The following PDXP variants were observed in gnomAD, a reference collection of about 807,000 sequenced individuals.
PDXP encodes pyridoxal phosphatase.
PDXP carries 15 observed loss-of-function variants against 14.4 expected under a neutral mutation model. The observed-to-expected ratio is 1.04, with a 90% confidence interval of 0.70 to 1.60. PDXP has a LOEUF of 1.60. Ranked by LOEUF, PDXP falls within the 40% of genes most tolerant of loss-of-function variation. The probability of loss-of-function intolerance (pLI) is 0.00; values close to 1 mark genes in which losing one functional copy is unlikely to be tolerated. For synonymous variants in PDXP, 233 were observed against 205.6 expected (o/e 1.13, Z -1.14); for missense variants, 413 against 427.6 (o/e 0.97, Z 0.30).
chr22:37,662,183 TG>T (rs1382417777), intron 1 of PDXP, among the ~76,000 whole-genome samples: 1 of 152,004 alleles, frequency 6.6e-6, no homozygotes. Flanking sequence ...CCAGGGGTGT[TG>T]CCCTGGGCCA....
chr22:37,663,323 A>G (rs1265656990), intron 1 of PDXP, among the ~76,000 whole-genome samples: 2 of 145,328 alleles, frequency 1.4e-5, no homozygotes, highest in African/African-American at 5.2e-5. Context: ...AAAAAAAATC[A>G]TATAGTTGTA....
rs1921002097 is a variant in PDXP, at chr22:37,664,422, T to C, written c.575-1133T>C. 1.3e-5 allele frequency among the ~76,000 whole-genome samples: 2 copies of C among 152,178 alleles called. 1 individual carries two copies. Among genetic ancestry groups the C allele is most frequent in the South Asian group, 4.1e-4 (2 of 4,832 alleles). On this transcript the variant is annotated intron_variant, in intron 1 of 1. Coordinates refer to ENST00000215904, the MANE Select transcript of PDXP (RefSeq NM_020315.5). ...AAAGTGACTCTTAATAGTACCTTCC[T>C]TTAACAACCAGCTCATAAAATTCCT...
chr22:37,665,544 T>A lies in PDXP; in HGVS notation c.575-11T>A, dbSNP rs767831102. On this transcript the variant is annotated splice_polypyrimidine_tract_variant and intron_variant, in intron 1 of 1. Transcript: ENST00000215904. The stretch of plus-strand genomic sequence containing the variant: ...CGCCCTCCTGCTGACTGCGTCTCCA[T>A]CTCCCTACAGGCACCGGGAGCCTGG... 2.5e-6 allele frequency: 4 copies of A among 1,590,196 alleles called. No individual in the cohort carries two copies. The South Asian group carries it at 4.5e-5, about 18-fold the overall frequency.
At position 37,661,533 on chromosome 22, in the gene PDXP, C is replaced by T. The variant is rs1167843920; in HGVS notation, c.574+2177C>T. Among the ~76,000 whole-genome samples the T allele has an allele frequency of 2.6e-5, 4 of 152,134 alleles. 1 individual carries two copies. The highest frequency in any genetic ancestry group is 4.4e-5 in the Non-Finnish European group (3 of 68,040). ...GCTGACAAATAGAAAGGCCTGCTGT[C>T]TTAGGAATACGTCATCAGCATAACA... On this transcript the variant is annotated intron_variant, in intron 1 of 1. Transcript: ENST00000215904.
intron 1 of PDXP, among the ~76,000 whole-genome samples, chr22:37,664,213 G>A (rs1920997773): frequency 6.6e-6 from 1 of 151,466 alleles, no homozygotes; most frequent in Non-Finnish European, 1.5e-5. Flanking sequence ...TTACAGGCAT[G>A]AGCCACGGTG....
rs1921063006 is a variant in PDXP at position 37,665,864 on chromosome 22, AGGACTG to A, written c.885_890del (p.Asp296_Ter297delextTer16). ...ATCGCAGACTTGACAGAGGGGTTGG[AGGACTG>A]AGCCCACTGCACCTGCAGCCACAGG... On this transcript the variant is annotated stop_lost and inframe_deletion, in exon 2 of 2. Coordinates refer to ENST00000215904, the MANE Select transcript of PDXP (RefSeq NM_020315.5). The A allele has an allele frequency of 6.2e-7, 1 of 1,611,722 alleles. No individual in the cohort carries two copies. Among genetic ancestry groups the A allele is most frequent in the Non-Finnish European group, 8.5e-7 (1 of 1,178,506 alleles).
rs1334956262 is a variant in PDXP, at chr22:37,658,824, C to G, written c.42C>G (p.Asp14Glu). 3.4e-5 allele frequency: 40 copies of G among 1,187,840 alleles called. No individual in the cohort carries two copies. The highest frequency in any genetic ancestry group is 4.1e-5 in the Non-Finnish European group (39 of 959,366). 73.6% of individuals were successfully genotyped at this position (1,187,840 alleles called of 1,614,324 possible). A position where few individuals can be genotyped will look rare whatever the true frequency, so the allele number is the denominator to read the frequency against. The change falls in exon 1 of 2, where the codon GAC becomes GAG. Residue 14 changes from aspartate to glutamate, a missense_variant. Transcript: ENST00000215904. ...CERLRGAALRDVLGRAQGVLF... is the reference protein window; with the variant it reads ...CERLRGAALREVLGRAQGVLF... Reference sequence around the variant, plus strand: ...GGCTGCGCGGAGCGGCCCTGCGCGACGTGCTGGGCCGGGCGCAGGGGGTCC... The same window carrying G: ...GGCTGCGCGGAGCGGCCCTGCGCGAGGTGCTGGGCCGGGCGCAGGGGGTCC...
chr22:37,661,044 C>T (rs567800258), intron 1 of PDXP, among the ~76,000 whole-genome samples: 1 of 152,248 alleles, frequency 6.6e-6, no homozygotes, highest in East Asian at 1.9e-4. Context: ...TTAGGCTATG[C>T]TATGAAAAGT....
intron 1 of PDXP, among the ~76,000 whole-genome samples, chr22:37,661,648 C>G (rs73422799): frequency 0.012 from 1,816 of 152,166 alleles, 34 homozygotes; most frequent in African/African-American, 0.042. Context: ...CTAGGAGGCT[C>G]GCTCCCCTGA....
At position 37,659,131 on chromosome 22, in the gene PDXP, G is replaced by C. The variant is rs1442466876; in HGVS notation, c.349G>C (p.Gly117Arg). Residue 117 changes from glycine to arginine, a missense_variant, in exon 1 of 2, where the codon GGG (glycine) becomes CGG (arginine). By Grantham distance (125) the Gly-to-Arg change is moderately radical. Transcript: ENST00000215904. ...CGCCGTGTTCGTGCTGGGCGGCGAG[G>C]GGCTGCGCGCCGAGCTGCGCGCCGC... ...PGAVFVLGGE[G>R]LRAELRAAGL... The C allele has an allele frequency of 2.4e-5, 24 of 1,017,354 alleles. No individual in the cohort carries two copies. The highest frequency in any genetic ancestry group is 2.8e-5 in the Non-Finnish European group (24 of 852,868). The allele number at this position is 1,017,354 out of a possible 1,614,324, so 63.0% of individuals were successfully genotyped here.
chr22:37,663,533 A>G (rs151011023), intron 1 of PDXP, among the ~76,000 whole-genome samples: 1 of 151,826 alleles, frequency 6.6e-6, no homozygotes, highest in Non-Finnish European at 1.5e-5. Flanking sequence ...TCTTCACTCA[A>G]TATCATCCTG....
Position 37,665,859 on chromosome 22 carries a change from G to A in PDXP, c.879G>A (p.Gly293=), listed in dbSNP as rs1357450591. 2 of 1,612,810 alleles carry A rather than the reference G, an allele frequency of 1.2e-6. No homozygotes were observed. The highest frequency in any genetic ancestry group is 8.5e-7 in the Non-Finnish European group (1 of 1,179,244). Residue 293 remains glycine, a synonymous_variant, in exon 2 of 2, where the codon GGG becomes GGA. Transcript: ENST00000215904. The stretch of plus-strand genomic sequence containing the variant: ...AGAGCATCGCAGACTTGACAGAGGG[G>A]TTGGAGGACTGAGCCCACTGCACCT... ...YVESIADLTE[G]LED
intron 1 of PDXP, among the ~76,000 whole-genome samples, chr22:37,663,036 C>G (rs78684352): frequency 0.12 from 18,834 of 151,104 alleles, 1,481 homozygotes; most frequent in African/African-American, 0.21. Flanking sequence ...TACAGTGGCT[C>G]ACACCTGTAA....
At chr22:37,665,190 G>T in intron 1 of PDXP, 1 of 301,854 alleles carries the variant, frequency 3.3e-6, no homozygotes. Flanking sequence ...ACGGCTGTCA[G>T]GGTGAAATCG....
At chr22:37,663,909 A>G (rs1920990851) in intron 1 of PDXP, among the ~76,000 whole-genome samples, 1 of 143,816 alleles carries the variant, frequency 7.0e-6, no homozygotes, top group Non-Finnish European at 1.5e-5. Context: ...CTGTGCCTGG[A>G]ATACGTTGAC....
At position 37,663,548 on chromosome 22, in the gene PDXP, CCCAGGATTTAAT is replaced by C. The variant is rs765563295; in HGVS notation, c.575-2006_575-1995del. 1.0e-3 allele frequency among the ~76,000 whole-genome samples: 158 copies of C among 152,066 alleles called. 1 individual carries two copies. The highest frequency in any genetic ancestry group is 1.7e-3 in the South Asian group (8 of 4,824). On this transcript the variant is annotated intron_variant, in intron 1 of 1. Transcript: ENST00000215904. ...TCTTCACTCAATATCATCCTGTACC[CCCAGGATTTAAT>C]ATCAATGACTGTCCGGGTCAGTGGC... is the stretch of plus-strand genomic sequence containing the variant.
intron 1 of PDXP, chr22:37,664,776 T>C (rs570866751): frequency 6.6e-6 from 1 of 152,440 alleles, no homozygotes; most frequent in East Asian, 1.9e-4. Context: ...AAGACAGGAC[T>C]GTCCTTTAGT....
At position 37,666,273 on chromosome 22, in the gene PDXP, C is replaced by T; in HGVS notation, c.*402C>T. Reference sequence around the variant, plus strand: ...GTCCTGGCCCTTGGGTCCTTGTCAACCAGAGGTCTAGGGAACCACAACCCT... The same window carrying T: ...GTCCTGGCCCTTGGGTCCTTGTCAATCAGAGGTCTAGGGAACCACAACCCT... On this transcript the variant is annotated 3_prime_UTR_variant, in exon 2 of 2. Coordinates refer to ENST00000215904, the MANE Select transcript of PDXP (RefSeq NM_020315.5). The T allele has an allele frequency of 3.7e-6, 1 of 271,756 alleles. No individual in the cohort carries two copies. Among genetic ancestry groups the T allele is most frequent in the Non-Finnish European group, 7.6e-6 (1 of 132,206 alleles). 16.8% of individuals were successfully genotyped at this position (271,756 alleles called of 1,614,324 possible).
At chr22:37,659,905 G>A (rs1933168396) in intron 1 of PDXP, among the ~76,000 whole-genome samples, 1 of 152,232 alleles carries the variant, frequency 6.6e-6, no homozygotes. Context: ...TTCAGATGAT[G>A]TAAGTTGTAG....
Sources: allele counts gnomAD v4.1 joint callset (sites outside exome capture counted in the v4.1 genomes callset), GRCh38; gene constraint gnomAD v4.1.1; transcripts MANE v1.5; gene names NCBI Gene and HGNC (gene_info 2026-07-23, HGNC 2026-07-21).